The following TAB1 variants were observed in gnomAD, a reference collection of about 807,000 sequenced individuals.
TAB1 encodes TGF-beta activated kinase 1 (MAP3K7) binding protein 1, also known as TGF-beta-activated kinase 1 and MAP3K7-binding protein 1.
TAB1 carries 30 observed loss-of-function variants against 54.5 expected under a neutral mutation model. The ratio of observed to expected loss-of-function variants is 0.55; its 90% CI spans 0.41 to 0.75. The LOEUF is 0.75. TAB1 is among the 30% of genes least tolerant of loss of function. The pLI, the probability that TAB1 is intolerant of heterozygous loss-of-function variation, is 0.00. For missense variants in TAB1, 609 were observed against 683.2 expected (o/e 0.89, Z 1.21); for synonymous variants, 289 against 286.9 (o/e 1.01, Z -0.07).
chr22:39,433,667 G>T, downstream of TAB1: 1 of 985,454 alleles, frequency 1.0e-6, no homozygotes, highest in Non-Finnish European at 1.2e-6. Flanking sequence ...AGAGCCAGGA[G>T]CGGAGCTGCA....
chr22:39,430,320 G>A lies in TAB1; in HGVS notation c.*98G>A. 7.0e-6 allele frequency: 11 copies of A among 1,560,526 alleles called. No homozygotes were observed. The highest frequency in any genetic ancestry group is 9.5e-6 in the Non-Finnish European group (11 of 1,158,390). On this transcript the variant is annotated 3_prime_UTR_variant, in exon 11 of 11. Coordinates refer to ENST00000216160, the MANE Select transcript of TAB1 (RefSeq NM_006116.3). ...GCCTGTGCCACAACGGCCAGCAGGT[G>A]CCCCATCCTCTGCCCACAGCAGACT...
At position 39,421,963 on chromosome 22, in the gene TAB1, G is replaced by A; in HGVS notation, c.913G>A (p.Ala305Thr). The A allele has an allele frequency of 1.9e-6, 3 of 1,554,952 alleles. No individual in the cohort carries two copies. Among genetic ancestry groups the A allele is most frequent in the Non-Finnish European group, 2.6e-6 (3 of 1,154,266 alleles). Residue 305 changes from alanine (A) to threonine (T), a missense_variant, in exon 8 of 11, where the codon GCC becomes ACC. Coordinates refer to ENST00000216160, the MANE Select transcript of TAB1 (RefSeq NM_006116.3). Reference protein sequence around the residue: ...ALEAAHGPGQANQEIAAMIDT... With the variant: ...ALEAAHGPGQTNQEIAAMIDT... ...AGAGGCAGCCCATGGGCCTGGGCAG[G>A]CCAACCAGGTGAGTTGGGCCCAGCC...
At chr22:39,413,294 T>G (rs1037553117) in intron 1 of TAB1, among the ~76,000 whole-genome samples, 14 of 152,308 alleles carry the variant, frequency 9.2e-5, no homozygotes, top group Admixed American at 7.8e-4. Context: ...AAATATAAGA[T>G]TATATCGTCT....
At position 39,420,880 on chromosome 22, in the gene TAB1, C is replaced by CTGTG. The variant is rs1422295272; in HGVS notation, c.777-946_777-945insGTGT. Among the ~76,000 whole-genome samples, 366 of 93,070 alleles carry CTGTG rather than the reference C, an allele frequency of 3.9e-3. 101 individuals carry two copies. Among genetic ancestry groups the CTGTG allele is most frequent in the African/African-American group, 0.022 (358 of 16,546 alleles). The allele number at this position is 93,070 out of a possible 152,430, so 61.1% of individuals were successfully genotyped here. ...AACACCCAGGTGCTGGGGTGTCTCT[C>CTGTG]TCTGTGTGTGTGTGTGTGTGTGTGT... is the stretch of plus-strand genomic sequence containing the variant. On this transcript the variant is annotated intron_variant, in intron 7 of 10. Coordinates refer to ENST00000216160, the MANE Select transcript of TAB1 (RefSeq NM_006116.3).
In TAB1 at chr22:39,431,235, C is replaced by G. The variant is rs997089395; in HGVS notation, c.*1013C>G. ...AGGCATAGGAGAAGGGTCGGGCCAG[C>G]CCAGCCCAGGGCCTGAGTTAGACTA... On this transcript the variant is annotated 3_prime_UTR_variant, in exon 11 of 11. Coordinates refer to ENST00000216160, the MANE Select transcript of TAB1 (RefSeq NM_006116.3). 1 of 985,482 alleles carries G rather than the reference C, an allele frequency of 1.0e-6. No homozygotes were observed. Among genetic ancestry groups the G allele is most frequent in the African/African-American group, 1.7e-5 (1 of 57,224 alleles). 61.0% of individuals were successfully genotyped at this position (985,482 alleles called of 1,614,324 possible). A position where few individuals can be genotyped will look rare whatever the true frequency, so the allele number is the denominator to read the frequency against.
Position 39,431,062 on chromosome 22 carries a change from G to C in TAB1, c.*840G>C. 1 of 985,708 alleles carries C rather than the reference G, an allele frequency of 1.0e-6. No homozygotes were observed. Among genetic ancestry groups the C allele is most frequent in the South Asian group, 4.7e-5 (1 of 21,296 alleles). The allele number at this position is 985,708 out of a possible 1,614,324, so 61.1% of individuals were successfully genotyped here. A position where few individuals can be genotyped will look rare whatever the true frequency, so the allele number is the denominator to read the frequency against. ...CCATAGGCTGGCAGGCAGCTGAGATGAACTGTCTTTACCACTGATGAGGGG... is the reference window on the plus strand; with the variant it reads ...CCATAGGCTGGCAGGCAGCTGAGATCAACTGTCTTTACCACTGATGAGGGG... On this transcript the variant is annotated 3_prime_UTR_variant, in exon 11 of 11. Transcript: ENST00000216160.
chr22:39,401,773 C>T (rs1227864368), intron 1 of TAB1, among the ~76,000 whole-genome samples: 1 of 152,170 alleles, frequency 6.6e-6, no homozygotes, highest in East Asian at 1.9e-4. Flanking sequence ...AAGGCCCCTC[C>T]GCCCTCATGA....
At chr22:39,421,126 G>T (rs185489600) in intron 7 of TAB1, among the ~76,000 whole-genome samples, 60 of 151,884 alleles carry the variant, frequency 4.0e-4, no homozygotes, top group Admixed American at 2.8e-3. Flanking sequence ...GCAAAGCTGT[G>T]CCTATTTCAT....
chr22:39,422,292 A>G (rs1927126344), intron 8 of TAB1, among the ~76,000 whole-genome samples: 1 of 152,082 alleles, frequency 6.6e-6, no homozygotes, highest in Non-Finnish European at 1.5e-5. Context: ...AGGAGAGCAC[A>G]GAAAGAGATG....
downstream of TAB1, chr22:39,436,604 G>A (rs188830182): frequency 1.0e-3 from 1,609 of 1,534,760 alleles, 3 homozygotes; most frequent in Non-Finnish European, 1.3e-3. Context: ...GGCCCTCTGG[G>A]AGCTGAGATC....
At chr22:39,427,898 A>G (rs530536800) in intron 9 of TAB1, 123 bp from the exon 10 acceptor site, 5 of 973,932 alleles carry the variant, frequency 5.1e-6, no homozygotes, top group East Asian at 2.7e-5. Flanking sequence ...GGAGCCAGGC[A>G]TGGCCGCCAC....
At chr22:39,423,379 C>A (rs962055906) in intron 8 of TAB1, among the ~76,000 whole-genome samples, 1 of 152,152 alleles carries the variant, frequency 6.6e-6, no homozygotes, top group Non-Finnish European at 1.5e-5. Flanking sequence ...CCGAGGCAGG[C>A]GGATCACTTG....
intron 10 of TAB1, 122 bp from the exon 11 acceptor site, chr22:39,429,893 C>T: frequency 6.5e-7 from 1 of 1,532,888 alleles, no homozygotes; most frequent in Non-Finnish European, 8.8e-7. Flanking sequence ...CTATGGTCAC[C>T]TCTGCCAGAA....
chr22:39,400,980 G>T (rs751096314), intron 1 of TAB1, among the ~76,000 whole-genome samples: 3 of 143,524 alleles, frequency 2.1e-5, no homozygotes, highest in Non-Finnish European at 3.0e-5. Context: ...CTTGCAGCGA[G>T]CCAAGATCGG....
rs373988232 is a variant in TAB1 at position 39,405,473 on chromosome 22, C to T, written c.33+5638C>T. On this transcript the variant is annotated intron_variant, in intron 1 of 10. Transcript: ENST00000216160. ...TGTTGTGTGTGTTGCAGTGGCTCCG[C>T]GATGAGGCTGTGCTGAGTGAGAGAC... Among the ~76,000 whole-genome samples, 42 of 152,360 alleles carry T rather than the reference C, an allele frequency of 2.8e-4. No individual in the cohort carries two copies. The East Asian group carries it at 5.0e-3, about 18-fold the overall frequency.
intron 7 of TAB1, among the ~76,000 whole-genome samples, chr22:39,420,401 G>A (rs1927017745): frequency 6.6e-6 from 1 of 152,190 alleles, no homozygotes; most frequent in Non-Finnish European, 1.5e-5. Context: ...TGAAGTGTTG[G>A]TTGGGGAGAT....
intron 1 of TAB1, 133 bp downstream of exon 1, chr22:39,399,968 C>T: frequency 9.7e-7 from 1 of 1,027,810 alleles, no homozygotes; most frequent in Non-Finnish European, 1.4e-6. Context: ...CCACCTTCTC[C>T]TCTCCTCGGG....
intron 8 of TAB1, 42 bp from the exon 9 acceptor site, chr22:39,426,661 G>T (rs371868910): frequency 2.0e-6 from 3 of 1,536,486 alleles, no homozygotes; most frequent in Middle Eastern, 1.7e-4. Context: ...CCCCCAGGCC[G>T]CACCTCGTTC....
In TAB1 at chr22:39,406,397, C is replaced by CAAAA. The variant is rs11290078; in HGVS notation, c.33+6580_33+6583dup. On this transcript the variant is annotated intron_variant, in intron 1 of 10. Coordinates refer to ENST00000216160, the MANE Select transcript of TAB1 (RefSeq NM_006116.3). ...CTGGGCGACAGAGTGAGACTGTCAC[C>CAAAA]AAAAAAAAAAAAAAAAAAAAAGGAA... Among the ~76,000 whole-genome samples the CAAAA allele has an allele frequency of 6.8e-5, 5 of 73,766 alleles. No homozygotes were observed. In the South Asian group the frequency reaches 1.6e-3, roughly 23 times the overall value. 48.4% of individuals were successfully genotyped at this position (73,766 alleles called of 152,430 possible). A position where few individuals can be genotyped will look rare whatever the true frequency, so the allele number is the denominator to read the frequency against.
Sources: gnomAD v4.1 joint callset for allele counts (sites outside exome capture counted in the v4.1 genomes callset) on GRCh38, gnomAD v4.1.1 for gene constraint, MANE v1.5 for transcripts, NCBI Gene and HGNC (gene_info 2026-07-23, HGNC 2026-07-21) for gene names.